The following NLGN1 variants were observed in gnomAD, a reference collection of about 807,000 sequenced individuals.
NLGN1 encodes neuroligin-1.
Under a neutral mutation model 65.5 loss-of-function variants are expected in NLGN1, and 12 were observed. That is an observed-to-expected ratio of 0.18 (90% confidence interval 0.12 to 0.30). NLGN1 has a LOEUF of 0.30. NLGN1 is among the 10% of genes least tolerant of loss of function. NLGN1 has a pLI of 1.00. For synonymous variants in NLGN1, 350 were observed against 359.5 expected, an observed-to-expected ratio of 0.97 and a Z score of 0.30; for missense variants, 750 against 1,007.1, an observed-to-expected ratio of 0.74 and a Z score of 3.46.
intron 3 of NLGN1, among the ~76,000 whole-genome samples, chr3:173,780,986 CA>C (rs1204628723): frequency 2.7e-5 from 4 of 150,762 alleles, no homozygotes; most frequent in African/African-American, 4.9e-5. Context: ...GTAAAAAATA[CA>C]AAAAAAATTA....
chr3:173,957,877 G>T (rs1712498211), intron 4 of NLGN1, among the ~76,000 whole-genome samples: 1 of 152,148 alleles, frequency 6.6e-6, no homozygotes, highest in Non-Finnish European at 1.5e-5. Flanking sequence ...TTGTGCTACT[G>T]GCCTGGATCC....
chr3:173,757,615 A>G (rs891017121), intron 3 of NLGN1, among the ~76,000 whole-genome samples: 2 of 152,042 alleles, frequency 1.3e-5, no homozygotes, highest in Admixed American at 6.6e-5. Context: ...AACTTGATAC[A>G]TAACAACCAA....
intron 4 of NLGN1, among the ~76,000 whole-genome samples, chr3:173,922,656 G>A (rs1742268166): frequency 6.6e-6 from 1 of 152,054 alleles, no homozygotes; most frequent in Non-Finnish European, 1.5e-5. Flanking sequence ...GGAGGAGATG[G>A]AAGATTTTTG....
intron 2 of NLGN1, among the ~76,000 whole-genome samples, chr3:173,455,866 G>C (rs1054643107): frequency 6.6e-6 from 1 of 152,270 alleles, no homozygotes; most frequent in South Asian, 2.1e-4. Context: ...ACGCAGAAAA[G>C]CCAGTGTAGT....
chr3:173,777,622 TGTCTGTCTGTCTATCTATCTATC>T (rs1780500416), intron 3 of NLGN1, among the ~76,000 whole-genome samples: 1 of 14,620 alleles, frequency 6.8e-5, no homozygotes, highest in African/African-American at 1.6e-4. Context: ...TCTGTCTGTC[TGTCTGTCTGTCTATCTATCTATC>T]TATCTATCTA....
intron 4 of NLGN1, among the ~76,000 whole-genome samples, chr3:173,835,689 A>C (rs984945574): frequency 9.2e-5 from 14 of 151,904 alleles, no homozygotes; most frequent in African/African-American, 3.4e-4. Flanking sequence ...TATAAAACTC[A>C]AAGTTTTAAA....
intron 2 of NLGN1, among the ~76,000 whole-genome samples, chr3:173,486,233 T>A (rs9879915): frequency 0.011 from 1,642 of 152,074 alleles, 28 homozygotes; most frequent in African/African-American, 0.038. Flanking sequence ...TTTTTAGCTT[T>A]TAGTTTTTAG....
Position 173,782,898 on chromosome 3 carries a change from T to C in NLGN1, c.494-24782T>C, listed in dbSNP as rs1781391462. 2.0e-5 allele frequency among the ~76,000 whole-genome samples: 3 copies of C among 152,054 alleles called. No homozygotes were observed. In the South Asian group the frequency reaches 6.2e-4, roughly 32 times the overall value. ...CACTCAGCAGGTATAAAAATATATATACTAATACATGTACTAATACAAAGA... is the reference window on the plus strand; with the variant it reads ...CACTCAGCAGGTATAAAAATATATACACTAATACATGTACTAATACAAAGA... On this transcript the variant is annotated intron_variant, in intron 3 of 6. Transcript: ENST00000457714.
chr3:173,662,814 C>T (rs1761117578), intron 3 of NLGN1, among the ~76,000 whole-genome samples: 2 of 151,944 alleles, frequency 1.3e-5, no homozygotes, highest in Admixed American at 1.3e-4. Flanking sequence ...TTTTAAATCT[C>T]ACAATTCACA....
At chr3:173,818,322 G>T (rs570628149) in intron 4 of NLGN1, among the ~76,000 whole-genome samples, 1 of 152,068 alleles carries the variant, frequency 6.6e-6, no homozygotes. Context: ...CCAAAAGAAC[G>T]ATGTGCTACA....
intron 1 of NLGN1, among the ~76,000 whole-genome samples, chr3:173,401,423 G>A (rs1180540615): frequency 1.3e-5 from 2 of 151,804 alleles, no homozygotes; most frequent in African/African-American, 4.8e-5. Context: ...TGGTGGTGGC[G>A]AGGATCTTTT....
intron 2 of NLGN1, among the ~76,000 whole-genome samples, chr3:173,449,550 G>A (rs1230500120): frequency 2.0e-5 from 3 of 151,814 alleles, no homozygotes; most frequent in African/African-American, 4.8e-5. Flanking sequence ...TTGATTTGGG[G>A]TGGAGAGTTC....
At chr3:173,937,017 T>C (rs1745191161) in intron 4 of NLGN1, among the ~76,000 whole-genome samples, 1 of 152,084 alleles carries the variant, frequency 6.6e-6, no homozygotes, top group South Asian at 2.1e-4. Context: ...AGAAACACAA[T>C]GAAAGTTTTC....
intron 4 of NLGN1, among the ~76,000 whole-genome samples, chr3:174,186,747 T>G (rs1312530563): frequency 5.9e-5 from 9 of 152,050 alleles, no homozygotes; most frequent in Admixed American, 5.9e-4. Flanking sequence ...CTAAAGATAT[T>G]TATTGCACAC....
At chr3:173,634,391 T>C (rs1756244411) in intron 3 of NLGN1, among the ~76,000 whole-genome samples, 1 of 152,178 alleles carries the variant, frequency 6.6e-6, no homozygotes, top group South Asian at 2.1e-4. Context: ...CAAATATGTA[T>C]ATTACTGTGC....
chr3:173,842,510 T>C (rs1479056084), intron 4 of NLGN1, among the ~76,000 whole-genome samples: 3 of 152,076 alleles, frequency 2.0e-5, no homozygotes, highest in Non-Finnish European at 4.4e-5. Flanking sequence ...CTAGATACAA[T>C]GGGGGTACAG....
chr3:174,214,288 G>A lies in NLGN1; in HGVS notation c.647-61027G>A, dbSNP rs189539441. Among the ~76,000 whole-genome samples, 5 of 152,188 alleles carry A rather than the reference G, an allele frequency of 3.3e-5. No individual in the cohort carries two copies. In the East Asian group the frequency reaches 9.6e-4, roughly 29 times the overall value. ...GTTTCTTCAGAATTATATTTGCCAT[G>A]TATTGAGTTTCTGAATTATGCAGTC... On this transcript the variant is annotated intron_variant, in intron 4 of 6. Transcript: ENST00000457714.
intron 2 of NLGN1, among the ~76,000 whole-genome samples, chr3:173,462,861 G>A (rs1723635713): frequency 6.6e-6 from 1 of 152,162 alleles, no homozygotes; most frequent in Non-Finnish European, 1.5e-5. Flanking sequence ...AAGAAAAGGT[G>A]TTTTATATTC....
At chr3:173,501,729 A>G (rs1731158367) in intron 2 of NLGN1, among the ~76,000 whole-genome samples, 1 of 151,588 alleles carries the variant, frequency 6.6e-6, no homozygotes, top group Admixed American at 6.6e-5. Context: ...ATAAAATTCT[A>G]TAAATTCTAT....
Sources: allele counts gnomAD v4.1 joint callset (sites outside exome capture counted in the v4.1 genomes callset), GRCh38; gene constraint gnomAD v4.1.1; transcripts MANE v1.5; gene names NCBI Gene and HGNC (gene_info 2026-07-23, HGNC 2026-07-21).